Variants in NINJ2 observed in about 807,000 individuals in gnomAD.
The protein encoded by NINJ2 is ninjurin-2.
Under a neutral mutation model 11.7 loss-of-function variants are expected in NINJ2, and 12 were observed. The observed-to-expected ratio is 1.02, with a 90% confidence interval of 0.66 to 1.66. The LOEUF is 1.66. Among genes scored for constraint, NINJ2 ranks in the 40% most tolerant of loss-of-function variants. The pLI is 0.00. For synonymous variants in NINJ2, 93 were observed against 76.8 expected (o/e 1.21, Z -1.10); for missense variants, 187 against 181.8 (o/e 1.03, Z -0.16).
chr12:571,975 G>A (rs780953255), intron 1 of NINJ2, among the ~76,000 whole-genome samples: 15 of 152,194 alleles, frequency 9.9e-5, no homozygotes, highest in Non-Finnish European at 2.1e-4. Context: ...GTGTCCCAAG[G>A]GAAGTATAGG....
At position 633,874 on chromosome 12, in the gene NINJ2, C is replaced by T. The variant is rs1266491621; in HGVS notation, c.33+29454G>A. 6.6e-6 allele frequency among the ~76,000 whole-genome samples: 1 copy of T among 152,166 alleles called. No individual in the cohort carries two copies. Among genetic ancestry groups the T allele is most frequent in the African/African-American group, 2.4e-5 (1 of 41,440 alleles). On this transcript the variant is annotated intron_variant, in intron 1 of 3. Coordinates refer to ENST00000305108, the MANE Select transcript of NINJ2 (RefSeq NM_016533.6). This position sits in a 1 kb window ranked among gnomAD's most constrained non-coding sequence, Gnocchi z 4.3. ...CTAAATCAAGTACACATTCCTTTGC[C>T]TGGTTATTTAAAAATCCCCCATAAT...
At chr12:610,729 C>CCT (rs1948017703) in intron 1 of NINJ2, 2 of 201,910 alleles carry the variant, frequency 9.9e-6, no homozygotes, top group Admixed American at 1.1e-4. Context: ...GAAATCTATT[C>CCT]TTTTTTTTTT....
intron 1 of NINJ2, among the ~76,000 whole-genome samples, chr12:574,580 T>C (rs963749821): frequency 2.0e-5 from 3 of 151,514 alleles, no homozygotes; most frequent in African/African-American, 7.3e-5. Flanking sequence ...TTCCTCTCTC[T>C]TGGGCTTGCA....
intron 1 of NINJ2, among the ~76,000 whole-genome samples, chr12:610,186 C>T (rs1948009783): frequency 6.6e-6 from 1 of 152,166 alleles, no homozygotes; most frequent in Non-Finnish European, 1.5e-5. Flanking sequence ...CTGACAAGTG[C>T]ACATGCACAC....
In NINJ2 at chr12:633,105, A is replaced by C. The variant is rs971128021; in HGVS notation, c.33+30223T>G. ...GCAAAGATCTAGGACTTTCTTTTCCAGGGAAGTTCTCTGAGAACTGAATCA... is the reference window on the plus strand; with the variant it reads ...GCAAAGATCTAGGACTTTCTTTTCCCGGGAAGTTCTCTGAGAACTGAATCA... On this transcript the variant is annotated intron_variant, in intron 1 of 3. Coordinates refer to ENST00000305108, the MANE Select transcript of NINJ2 (RefSeq NM_016533.6). The surrounding 1 kb of genome is among the most constrained non-coding windows in gnomAD (Gnocchi z 4.3). 1.3e-5 allele frequency among the ~76,000 whole-genome samples: 2 copies of C among 152,148 alleles called. No homozygotes were observed. Among genetic ancestry groups the C allele is most frequent in the African/African-American group, 4.8e-5 (2 of 41,438 alleles).
In NINJ2 at chr12:581,811, G is replaced by A. The variant is rs970039844; in HGVS notation, c.34-15633C>T. Among the ~76,000 whole-genome samples the A allele has an allele frequency of 2.0e-5, 3 of 152,134 alleles. No homozygotes were observed. Among genetic ancestry groups the A allele is most frequent in the African/African-American group, 7.2e-5 (3 of 41,414 alleles). On this transcript the variant is annotated intron_variant, in intron 1 of 3. Coordinates refer to ENST00000305108, the MANE Select transcript of NINJ2 (RefSeq NM_016533.6). This position sits in a 1 kb window ranked among gnomAD's most constrained non-coding sequence, Gnocchi z 4.9. ...GAGAAGCTAGTATCTGGTGAAATAG[G>A]TGAGCTGCTGCCAAACTCAGCAAAA... is the stretch of plus-strand genomic sequence containing the variant.
intron 1 of NINJ2, chr12:632,315 C>T (rs1228453367): frequency 6.6e-6 from 1 of 152,222 alleles, no homozygotes; most frequent in Non-Finnish European, 1.5e-5. Flanking sequence ...CTTTGTTTGT[C>T]CTGGTTGAAA....
chr12:576,479 C>T (rs1421125224), intron 1 of NINJ2, among the ~76,000 whole-genome samples: 1 of 152,102 alleles, frequency 6.6e-6, no homozygotes, highest in Non-Finnish European at 1.5e-5. Context: ...GGCCTGCTTG[C>T]TTGCTTATTT....
At chr12:642,207 T>G (rs1195093070) in intron 1 of NINJ2, among the ~76,000 whole-genome samples, 1 of 152,218 alleles carries the variant, frequency 6.6e-6, no homozygotes, top group African/African-American at 2.4e-5. Context: ...AAAAAAAGTC[T>G]ATGCAAAATG....
chr12:646,994 T>C (rs1190661094), intron 1 of NINJ2, among the ~76,000 whole-genome samples: 2 of 152,158 alleles, frequency 1.3e-5, no homozygotes, highest in East Asian at 3.9e-4. Context: ...TCACAGAAGC[T>C]TGGAGGTGAT....
At chr12:647,210 G>T (rs1937700091) in intron 1 of NINJ2, among the ~76,000 whole-genome samples, 1 of 152,214 alleles carries the variant, frequency 6.6e-6, no homozygotes, top group Non-Finnish European at 1.5e-5. Context: ...CTTGCCTTCA[G>T]TAGCTCTCTT....
rs758514461 is a variant in NINJ2 at position 663,390 on chromosome 12, C to G, written c.-30G>C. 1 of 1,614,140 alleles carries G rather than the reference C, an allele frequency of 6.2e-7. No individual in the cohort carries two copies. The highest frequency in any genetic ancestry group is 2.2e-5 in the East Asian group (1 of 44,878). On this transcript the variant is annotated 5_prime_UTR_variant, in exon 1 of 4. Transcript: ENST00000305108. ...CTGCCCTCAAGTCCCTTCACACGCA[C>G]CGGGTGCCGGGAACAGACTGCGTGG...
chr12:600,790 T>C (rs1947857186), intron 1 of NINJ2, among the ~76,000 whole-genome samples: 1 of 151,446 alleles, frequency 6.6e-6, no homozygotes, highest in African/African-American at 2.4e-5. Flanking sequence ...CAGGCAATCC[T>C]CCCACCTCGG....
intron 1 of NINJ2, among the ~76,000 whole-genome samples, chr12:571,109 G>T (rs549393692): frequency 6.6e-6 from 1 of 152,194 alleles, no homozygotes; most frequent in Non-Finnish European, 1.5e-5. Context: ...GCAGGACACT[G>T]ACCCAAGACT....
intron 1 of NINJ2, among the ~76,000 whole-genome samples, chr12:568,131 A>G (rs1202802507): frequency 6.6e-6 from 1 of 152,270 alleles, no homozygotes; most frequent in Non-Finnish European, 1.5e-5. Context: ...TTCCATTATC[A>G]ACTATACATA....
chr12:632,421 A>T (rs1196611098), intron 1 of NINJ2: 1 of 152,246 alleles, frequency 6.6e-6, no homozygotes, highest in Non-Finnish European at 1.5e-5. Flanking sequence ...ACCACAGGGA[A>T]ATCAGCCTAA....
chr12:573,175 G>A (rs182669566), intron 1 of NINJ2, among the ~76,000 whole-genome samples: 52 of 151,570 alleles, frequency 3.4e-4, no homozygotes, highest in Middle Eastern at 3.4e-3. Flanking sequence ...ACAGGCGCCC[G>A]CCACCACACC....
intron 1 of NINJ2, among the ~76,000 whole-genome samples, chr12:573,809 C>CAA (rs990701470): frequency 1.8e-4 from 27 of 152,236 alleles, no homozygotes; most frequent in African/African-American, 6.3e-4. Flanking sequence ...GCACTAGACC[C>CAA]AAAGACCCAA....
In NINJ2 at chr12:600,007, C is replaced by G. The variant is rs201512512; in HGVS notation, c.34-33829G>C. Among the ~76,000 whole-genome samples the G allele has an allele frequency of 7.9e-5, 12 of 152,314 alleles. No individual in the cohort carries two copies. In the East Asian group the frequency reaches 2.3e-3, roughly 29 times the overall value. On this transcript the variant is annotated intron_variant, in intron 1 of 3. Transcript: ENST00000305108. Reference sequence around the variant, plus strand: ...TACTCAGCCCTCCCCTGCCTGGTTTCTGAGTCTGAGGAATGTGCCCAGAAG... The same window carrying G: ...TACTCAGCCCTCCCCTGCCTGGTTTGTGAGTCTGAGGAATGTGCCCAGAAG...
Sources: gnomAD v4.1 joint callset for allele counts (sites outside exome capture counted in the v4.1 genomes callset) on GRCh38, gnomAD v4.1.1 for gene constraint, Gnocchi (gnomAD v3.1) non-coding constraint, MANE v1.5 for transcripts, NCBI Gene and HGNC (gene_info 2026-07-23, HGNC 2026-07-21) for gene names.